WFDC8: variants seen among roughly 807,000 people sequenced by gnomAD.
The protein encoded by WFDC8 is WAP four-disulfide core domain 8, also known as WAP four-disulfide core domain protein 8.
WFDC8 carries 24 observed loss-of-function variants against 27.0 expected under a neutral mutation model. That is an observed-to-expected ratio of 0.89 (90% CI 0.64 to 1.25). The LOEUF (loss-of-function observed/expected upper bound fraction) is 1.25. WFDC8 is among the 50% of genes most tolerant of loss of function. WFDC8 has a pLI of 0.00. For missense variants in WFDC8, 287 were observed against 295.9 expected, an observed-to-expected ratio of 0.97 and a Z score of 0.22; for synonymous variants, 106 against 99.7, an observed-to-expected ratio of 1.06 and a Z score of -0.38.
At chr20:45,551,566 T>C (rs1056544258), downstream of WFDC8, 1 of 149,820 alleles carries the variant, frequency 6.7e-6, no homozygotes, top group Non-Finnish European at 1.5e-5. Flanking sequence ...GAAGCAGAGG[T>C]TGCAGTGAGC....
At chr20:45,565,981 T>A (rs1980664830) in intron 1 of WFDC8, among the ~76,000 whole-genome samples, 1 of 151,408 alleles carries the variant, frequency 6.6e-6, no homozygotes, top group Non-Finnish European at 1.5e-5. Flanking sequence ...TAAAAAAATA[T>A]ATTTTTTATA....
chr20:45,572,996 C>A (rs1051532943), intron 1 of WFDC8, among the ~76,000 whole-genome samples: 2 of 152,176 alleles, frequency 1.3e-5, no homozygotes, highest in Non-Finnish European at 2.9e-5. Context: ...AAATGGAGTG[C>A]CGTATATATT....
intron 1 of WFDC8, among the ~76,000 whole-genome samples, chr20:45,565,422 T>C (rs1194896593): frequency 6.6e-6 from 1 of 152,198 alleles, no homozygotes; most frequent in Non-Finnish European, 1.5e-5. Context: ...TTAAACTACA[T>C]ATTTACTTTT....
rs1980935001 is a variant in WFDC8, at chr20:45,573,359, A to T, written c.26+5863T>A. ...AAATGGTTTTTGGTTACATGAATAG[A>T]TTGTATAGTGGTGAAGTCTGAGATT... On this transcript the variant is annotated intron_variant, in intron 1 of 5. Coordinates refer to ENST00000289953, the MANE Select transcript of WFDC8 (RefSeq NM_130896.3). 2.0e-5 allele frequency among the ~76,000 whole-genome samples: 3 copies of T among 152,258 alleles called. No individual in the cohort carries two copies. In the South Asian group the frequency reaches 6.2e-4, roughly 32 times the overall value.
chr20:45,556,257 A>C (rs935618179), intron 3 of WFDC8, among the ~76,000 whole-genome samples: 6 of 152,222 alleles, frequency 3.9e-5, no homozygotes, highest in Non-Finnish European at 7.3e-5. Context: ...TTCTTAAATA[A>C]ATGTGGTTAT....
At chr20:45,558,727 T>C in intron 3 of WFDC8, 125 bp downstream of exon 3, 1 of 1,200,354 alleles carries the variant, frequency 8.3e-7, no homozygotes, top group South Asian at 1.5e-5. Context: ...GGGTTAGGCA[T>C]TGAATAACAG....
intron 1 of WFDC8, among the ~76,000 whole-genome samples, chr20:45,571,194 G>A (rs1298439247): frequency 6.6e-6 from 1 of 151,506 alleles, no homozygotes; most frequent in African/African-American, 2.4e-5. Flanking sequence ...CAATCTTTTT[G>A]TTTTCATTAG....
At chr20:45,565,545 A>C (rs2868309) in intron 1 of WFDC8, among the ~76,000 whole-genome samples, 58,266 of 152,028 alleles carry the variant, frequency 0.38, 11,635 homozygotes, top group Non-Finnish European at 0.43. Context: ...TACTTCTTAC[A>C]TATCTCTCAC....
At chr20:45,566,774 A>G (rs1297892099) in intron 1 of WFDC8, among the ~76,000 whole-genome samples, 3 of 152,242 alleles carry the variant, frequency 2.0e-5, no homozygotes, top group Non-Finnish European at 4.4e-5. Flanking sequence ...ACAAAAAGGC[A>G]AATAAATAAG....
intron 1 of WFDC8, among the ~76,000 whole-genome samples, chr20:45,570,406 T>C (rs1980827092): frequency 6.6e-6 from 1 of 151,800 alleles, no homozygotes; most frequent in Non-Finnish European, 1.5e-5. Context: ...AGTGATTATA[T>C]ATATTTTAAA....
intron 5 of WFDC8, among the ~76,000 whole-genome samples, chr20:45,552,877 T>C (rs1334801997): frequency 6.6e-6 from 1 of 152,180 alleles, no homozygotes; most frequent in Non-Finnish European, 1.5e-5. Flanking sequence ...CATTGAGGAA[T>C]GAGTCTCAGA....
chr20:45,558,393 T>C (rs530151844), intron 3 of WFDC8, among the ~76,000 whole-genome samples: 5 of 152,330 alleles, frequency 3.3e-5, no homozygotes, highest in African/African-American at 1.2e-4. Flanking sequence ...ACAACAGATA[T>C]TTGTTGAATG....
chr20:45,562,019 C>T (rs1419068772), intron 2 of WFDC8, 91 bp downstream of exon 2: 2 of 1,168,510 alleles, frequency 1.7e-6, no homozygotes, highest in Non-Finnish European at 2.5e-6. Flanking sequence ...GTAGAGGGGG[C>T]CTCATCTGAC....
At chr20:45,553,584 G>A (rs1208462553) in intron 4 of WFDC8, among the ~76,000 whole-genome samples, 8 of 152,098 alleles carry the variant, frequency 5.3e-5, no homozygotes, top group South Asian at 2.1e-4. Flanking sequence ...GCCATTTTAG[G>A]GTATTTGGTT....
chr20:45,571,498 G>A (rs1980868736), intron 1 of WFDC8, among the ~76,000 whole-genome samples: 1 of 152,150 alleles, frequency 6.6e-6, no homozygotes, highest in African/African-American at 2.4e-5. Flanking sequence ...GAACATTTCT[G>A]TAGCAATTCT....
At chr20:45,579,149 AT>A in intron 1 of WFDC8, 72 bp downstream of exon 1, 1 of 1,484,046 alleles carries the variant, frequency 6.7e-7, no homozygotes, top group South Asian at 1.1e-5. Flanking sequence ...TCTAACTTCT[AT>A]GTATCCTCCT....
intron 3 of WFDC8, 45 bp from the exon 4 acceptor site, chr20:45,555,913 A>G (rs752435885): frequency 9.5e-6 from 15 of 1,585,502 alleles, no homozygotes; most frequent in Non-Finnish European, 1.3e-5. Flanking sequence ...GAGTAGAGAT[A>G]AAAGAACAGG....
chr20:45,565,039 GA>G (rs375989446), intron 1 of WFDC8, among the ~76,000 whole-genome samples: 9 of 100,554 alleles, frequency 9.0e-5, no homozygotes, highest in African/African-American at 1.1e-4. Flanking sequence ...GAAGGAAGAA[GA>G]AAGGAAGGAA....
chr20:45,564,936 GGAAA>G (rs1248067086), intron 1 of WFDC8, among the ~76,000 whole-genome samples: 14 of 118,020 alleles, frequency 1.2e-4, no homozygotes, highest in East Asian at 2.1e-4. Flanking sequence ...GTGAAAGAAA[GGAAA>G]GAAAGAAAGA....
Sources: allele counts gnomAD v4.1 joint callset (sites outside exome capture counted in the v4.1 genomes callset), GRCh38; gene constraint gnomAD v4.1.1; transcripts MANE v1.5; gene names NCBI Gene and HGNC (gene_info 2026-07-23, HGNC 2026-07-21).